The following PCDHGA11 variants were observed in gnomAD, a reference collection of about 807,000 sequenced individuals.
PCDHGA11 encodes the protein protocadherin gamma-A11.
In PCDHGA11, 39 loss-of-function variants were observed where a neutral mutation model predicts 60.4. That is an observed-to-expected ratio of 0.65 (90% confidence interval 0.50 to 0.84). The LOEUF is 0.84. Among genes scored for constraint, PCDHGA11 ranks in the 40% least tolerant of loss-of-function variants. The pLI, the probability that PCDHGA11 is intolerant of heterozygous loss-of-function variation, is 0.00. For synonymous variants in PCDHGA11, 533 were observed against 510.3 expected, an observed-to-expected ratio of 1.04 and a Z score of -0.60; for missense variants, 1,165 against 1,197.7, an observed-to-expected ratio of 0.97 and a Z score of 0.40.
intron 1 of PCDHGA11, among the ~76,000 whole-genome samples, chr5:141,460,912 G>GTGTATA (rs145509489): frequency 0.032 from 4,842 of 149,286 alleles, 90 homozygotes; most frequent in Middle Eastern, 0.083. Flanking sequence ...ATTCCATGGT[G>GTGTATA]TATATATATA....
At chr5:141,455,244 T>A (rs977940552) in intron 1 of PCDHGA11, among the ~76,000 whole-genome samples, 4 of 152,142 alleles carry the variant, frequency 2.6e-5, no homozygotes, top group Non-Finnish European at 4.4e-5. Flanking sequence ...TTAAAGGTCA[T>A]AGTACAATCG....
intron 1 of PCDHGA11, among the ~76,000 whole-genome samples, chr5:141,438,036 C>T (rs1299733977): frequency 4.6e-5 from 7 of 152,026 alleles, no homozygotes; most frequent in South Asian, 2.1e-4. Flanking sequence ...CCACCATGCC[C>T]GACCACTTTG....
chr5:141,441,797 G>A, intron 1 of PCDHGA11: 2 of 386,536 alleles, frequency 5.2e-6, no homozygotes, highest in Non-Finnish European at 1.0e-5. Context: ...ACAACGCACC[G>A]CGGGTGCTGT....
intron 1 of PCDHGA11, among the ~76,000 whole-genome samples, chr5:141,462,825 C>T (rs1040054698): frequency 4.6e-5 from 7 of 152,124 alleles, no homozygotes; most frequent in Admixed American, 3.9e-4. Context: ...GGACAGCAGA[C>T]ATTGTAAATG....
At chr5:141,478,519 G>T (rs778194073) in intron 1 of PCDHGA11, 19 of 1,610,728 alleles carry the variant, frequency 1.2e-5, no homozygotes, top group Non-Finnish European at 1.6e-5. Flanking sequence ...GGCAGGTGTT[G>T]GGTGCAGAGA....
At chr5:141,470,961 C>T (rs1447105252) in intron 1 of PCDHGA11, among the ~76,000 whole-genome samples, 1 of 152,036 alleles carries the variant, frequency 6.6e-6, no homozygotes, top group Non-Finnish European at 1.5e-5. Context: ...AAGTGATCCT[C>T]CCACCTCAGC....
chr5:141,456,984 C>G (rs374156327), intron 1 of PCDHGA11, among the ~76,000 whole-genome samples: 1 of 152,200 alleles, frequency 6.6e-6, no homozygotes, highest in East Asian at 1.9e-4. Flanking sequence ...AACAAACAAA[C>G]AAACAAAAAC....
chr5:141,512,275 A>G lies in PCDHGA11; in HGVS notation c.*1102A>G, dbSNP rs368275103. 1 of 152,730 alleles carries G rather than the reference A, an allele frequency of 6.5e-6. No individual in the cohort carries two copies. The highest frequency in any genetic ancestry group is 2.1e-4 in the South Asian group (1 of 4,824). The allele number at this position is 152,730 out of a possible 1,614,324, so 9.5% of individuals were successfully genotyped here. ...GGGTGCTGGGTACTCCAGAGGTGCC[A>G]CTGGTGGAAGGGTCAGCGGAGCCCC... On this transcript the variant is annotated 3_prime_UTR_variant, in exon 4 of 4. Transcript: ENST00000398587.
rs561817609 is a variant in PCDHGA11, at chr5:141,496,904, G to A, written c.2492+2039G>A. Among the ~76,000 whole-genome samples, 12 of 137,476 alleles carry A rather than the reference G, an allele frequency of 8.7e-5. 1 individual carries two copies. The South Asian group carries it at 2.0e-3, about 23-fold the overall frequency. The allele number at this position is 137,476 out of a possible 152,430, so 90.2% of individuals were successfully genotyped here. On this transcript the variant is annotated intron_variant, in intron 2 of 3. Transcript: ENST00000398587. ...AGTAACACTTAAAAAAAAAAAAAAA[G>A]GCTGGGCACTGTGGTTCACGCCTGT...
chr5:141,473,308 A>G (rs1248143328), intron 1 of PCDHGA11, among the ~76,000 whole-genome samples: 1 of 152,234 alleles, frequency 6.6e-6, no homozygotes, highest in Non-Finnish European at 1.5e-5. Context: ...AGATTGCTAT[A>G]TTAATAAGCA....
rs376452870 is a variant in PCDHGA11 at position 141,423,273 on chromosome 5, G to A, written c.2046G>A (p.Leu682=). 34 of 1,613,778 alleles carry A rather than the reference G, an allele frequency of 2.1e-5. No homozygotes were observed. In the African/African-American group the frequency reaches 4.4e-4, roughly 21 times the overall value. ...VLADLGSLES[L]ANSETSDLSL... Reference sequence around the variant, plus strand: ...CGGACCTCGGCAGCCTCGAGTCTCTGGCTAACTCTGAAACCTCAGACCTCT... The same window carrying A: ...CGGACCTCGGCAGCCTCGAGTCTCTAGCTAACTCTGAAACCTCAGACCTCT... The change falls in exon 1 of 4, where the codon CTG becomes CTA. Residue 682 remains leucine, a synonymous_variant. Coordinates refer to ENST00000398587, the MANE Select transcript of PCDHGA11 (RefSeq NM_018914.3).
chr5:141,484,002 A>T, intron 1 of PCDHGA11, among the ~76,000 whole-genome samples: 1 of 25,484 alleles, frequency 3.9e-5, no homozygotes, highest in African/African-American at 1.7e-4. Context: ...GGAGGTCTGG[A>T]TGAGGGTGGG....
chr5:141,462,959 G>A lies in PCDHGA11; in HGVS notation c.2434-31848G>A, dbSNP rs188938907. 5.1e-3 allele frequency among the ~76,000 whole-genome samples: 776 copies of A among 152,188 alleles called. 5 individuals are homozygous for A. Among genetic ancestry groups the A allele is most frequent in the Non-Finnish European group, 8.2e-3 (557 of 67,994 alleles). On this transcript the variant is annotated intron_variant, in intron 1 of 3. Transcript: ENST00000398587. ...AAGGCTTGTTTTTAAGCTTTGTTAGGACAGGTCTGTAGTAACTTTTGCCTT... is the reference window on the plus strand; with the variant it reads ...AAGGCTTGTTTTTAAGCTTTGTTAGAACAGGTCTGTAGTAACTTTTGCCTT...
In PCDHGA11 at chr5:141,489,163, C is replaced by T. The variant is rs2099683398; in HGVS notation, c.2434-5644C>T. 1 of 1,060,592 alleles carries T rather than the reference C, an allele frequency of 9.4e-7. No individual in the cohort carries two copies. Among genetic ancestry groups the T allele is most frequent in the Admixed American group, 2.4e-5 (1 of 41,724 alleles). The allele number at this position is 1,060,592 out of a possible 1,614,324, so 65.7% of individuals were successfully genotyped here. On this transcript the variant is annotated intron_variant, in intron 1 of 3. Coordinates refer to ENST00000398587, the MANE Select transcript of PCDHGA11 (RefSeq NM_018914.3). This position sits in a 1 kb window ranked among gnomAD's most constrained non-coding sequence, Gnocchi z 4.5. ...TGGAAGGAGACATAAGAGACTTCAGCTGCTGCATTCCAAGCCCTGGGTCTA... is the reference window on the plus strand; with the variant it reads ...TGGAAGGAGACATAAGAGACTTCAGTTGCTGCATTCCAAGCCCTGGGTCTA...
rs959855220 is a variant in PCDHGA11, at chr5:141,476,280, G to A, written c.2434-18527G>A. 4 of 1,614,010 alleles carry A rather than the reference G, an allele frequency of 2.5e-6. No individual in the cohort carries two copies. In the African/African-American group the frequency reaches 5.3e-5, roughly 22 times the overall value. On this transcript the variant is annotated intron_variant, in intron 1 of 3. Transcript: ENST00000398587. This position sits in a 1 kb window ranked among gnomAD's most constrained non-coding sequence, Gnocchi z 7.6. ...GTGGGCAACGTGGTCGCGAACCTTG[G>A]TTTGGATCTCGGTAGCCTCTCAGCC...
chr5:141,478,323 G>C, intron 1 of PCDHGA11: 1 of 1,613,958 alleles, frequency 6.2e-7, no homozygotes, highest in Non-Finnish European at 8.5e-7. Flanking sequence ...TCACTGTACC[G>C]AACACCAGGG....
intron 1 of PCDHGA11, among the ~76,000 whole-genome samples, chr5:141,451,302 G>T (rs1445994098): frequency 6.6e-6 from 1 of 152,208 alleles, no homozygotes; most frequent in Non-Finnish European, 1.5e-5. Context: ...GTCTTACAAG[G>T]CAGCAATTAA....
intron 1 of PCDHGA11, among the ~76,000 whole-genome samples, chr5:141,474,085 AAAAC>A (rs937548165): frequency 1.3e-5 from 2 of 152,188 alleles, no homozygotes; most frequent in African/African-American, 4.8e-5. Flanking sequence ...CAAAAACCAA[AAAAC>A]AAACAACAAC....
chr5:141,490,467 C>T lies in PCDHGA11; in HGVS notation c.2434-4340C>T. ...AGAACCACTACTCGCTGCTAACCAG[C>T]CAGCCTTTGGACCGGGAGGCCACAT... is the stretch of plus-strand genomic sequence containing the variant. On this transcript the variant is annotated intron_variant, in intron 1 of 3. Transcript: ENST00000398587. This position sits in a 1 kb window ranked among gnomAD's most constrained non-coding sequence, Gnocchi z 5.4. The T allele has an allele frequency of 6.2e-7, 1 of 1,614,216 alleles. No individual in the cohort carries two copies. The highest frequency in any genetic ancestry group is 8.5e-7 in the Non-Finnish European group (1 of 1,180,040).
Sources: gnomAD v4.1 joint callset for allele counts (sites outside exome capture counted in the v4.1 genomes callset) on GRCh38, gnomAD v4.1.1 for gene constraint, Gnocchi (gnomAD v3.1) non-coding constraint, MANE v1.5 for transcripts, NCBI Gene and HGNC (gene_info 2026-07-23, HGNC 2026-07-21) for gene names.